The following AFP variants were observed in gnomAD, a reference collection of about 807,000 sequenced individuals.
AFP encodes alpha-fetoprotein.
AFP carries 64 observed loss-of-function variants against 78.9 expected under a neutral mutation model. The ratio of observed to expected loss-of-function variants is 0.81; its 90% CI spans 0.66 to 1.00. The LOEUF (loss-of-function observed/expected upper bound fraction) is 1.00, where lower values mean the gene tolerates loss of function less well. Among genes scored for constraint, AFP ranks in the 50% least tolerant of loss-of-function variants. The probability of loss-of-function intolerance (pLI) is 0.00; values close to 1 mark genes in which losing one functional copy is unlikely to be tolerated. For synonymous variants in AFP, 254 were observed against 243.8 expected, an observed-to-expected ratio of 1.04 and a Z score of -0.39; for missense variants, 689 against 703.8, an observed-to-expected ratio of 0.98 and a Z score of 0.24.
intron 9 of AFP, among the ~76,000 whole-genome samples, chr4:73,449,686 G>A (rs567376062): frequency 6.6e-6 from 1 of 152,188 alleles, no homozygotes; most frequent in Admixed American, 6.5e-5. Context: ...CTAAGATCAA[G>A]TGTAGAAATA....
intron 4 of AFP, 45 bp from the exon 5 acceptor site, chr4:73,442,251 A>G: frequency 6.3e-7 from 1 of 1,579,878 alleles, no homozygotes; most frequent in East Asian, 2.2e-5. Context: ...TAGTAGTCCT[A>G]TTTTTAGGTG....
Position 73,450,121 on chromosome 4 carries a change from A to G in AFP, c.1277A>G (p.Tyr426Cys), listed in dbSNP as rs1041627000. The change falls in exon 10 of 15, where the codon TAC becomes TGC. Residue 426 changes from tyrosine (Y) to cysteine (C), a missense_variant. Tyr to Cys is a radical substitution (Grantham distance 194, BLOSUM62 -2). Transcript: ENST00000395792. ...CTCTTCCAGAAACTAGGAGAATATTACTTACAAAATGCGTATGTTTTTGTA... is the reference window on the plus strand; with the variant it reads ...CTCTTCCAGAAACTAGGAGAATATTGCTTACAAAATGCGTATGTTTTTGTA... ...CGLFQKLGEY[Y>C]LQNAFLVAYT... 1.9e-6 allele frequency: 3 copies of G among 1,611,552 alleles called. No homozygotes were observed. The highest frequency in any genetic ancestry group is 1.7e-5 in the Admixed American group (1 of 59,960).
chr4:73,446,113 A>G (rs4694166), intron 7 of AFP, among the ~76,000 whole-genome samples: 149,352 of 152,284 alleles, frequency 0.98, 73,310 homozygotes, highest in East Asian at 1. Context: ...GCAAGAAGCC[A>G]AGGCTGCAGA....
intron 4 of AFP, among the ~76,000 whole-genome samples, chr4:73,441,880 G>T (rs1401538255): frequency 6.6e-6 from 1 of 152,134 alleles, no homozygotes; most frequent in Non-Finnish European, 1.5e-5. Context: ...CTGCTATGGC[G>T]ACTATCCAGG....
At chr4:73,450,189 C>A in intron 10 of AFP, 56 bp downstream of exon 10, 1 of 1,326,610 alleles carries the variant, frequency 7.5e-7, no homozygotes, top group Non-Finnish European at 1.1e-6. Flanking sequence ...GAGAATGTAG[C>A]CTTCCCCATT....
At chr4:73,455,445 C>G in intron 14 of AFP, 155 bp downstream of exon 14, 1 of 686,664 alleles carries the variant, frequency 1.5e-6, no homozygotes, top group Non-Finnish European at 2.5e-6. Context: ...CAAAATTACG[C>G]ACACAATGTT....
chr4:73,436,281 A>AT lies in AFP; in HGVS notation c.26dup (p.Leu9PhefsTer9), dbSNP rs1479715998. 8 of 1,601,764 alleles carry AT rather than the reference A, an allele frequency of 5.0e-6. No individual in the cohort carries two copies. The highest frequency in any genetic ancestry group is 6.8e-6 in the Non-Finnish European group (8 of 1,170,408). On this transcript the variant is annotated frameshift_variant, in exon 1 of 15. Transcript: ENST00000395792. LOFTEE classifies it high-confidence loss of function. ...AGCAACCATGAAGTGGGTGGAATCA[A>AT]TTTTTTTAATTTTCCTACTAAATTT...
Position 73,440,628 on chromosome 4 carries a change from C to T in AFP, c.297C>T (p.Cys99=), listed in dbSNP as rs746641875. Residue 99 remains cysteine, a synonymous_variant, in exon 4 of 15, where the codon TGC becomes TGT. Coordinates refer to ENST00000395792, the MANE Select transcript of AFP (RefSeq NM_001134.3). ...TACCTGCCTTTCTGGAAGAACTTTGCCATGAGAAAGAAATTTTGGAGAAGT... is the reference window on the plus strand; with the variant it reads ...TACCTGCCTTTCTGGAAGAACTTTGTCATGAGAAAGAAATTTTGGAGAAGT... ...NQLPAFLEEL[C]HEKEILEKYG... The T allele has an allele frequency of 2.9e-5, 47 of 1,613,918 alleles. No individual in the cohort carries two copies. The highest frequency in any genetic ancestry group is 4.0e-5 in the Non-Finnish European group (47 of 1,179,964).
intron 3 of AFP, 79 bp downstream of exon 3, chr4:73,438,385 G>A: frequency 6.8e-7 from 1 of 1,478,148 alleles, no homozygotes; most frequent in Non-Finnish European, 9.2e-7. Context: ...AAAAATAGCA[G>A]TGAAAAATGC....
chr4:73,443,362 A>G lies in AFP; in HGVS notation c.631A>G (p.Lys211Glu). The G allele has an allele frequency of 1.2e-6, 2 of 1,613,532 alleles. No individual in the cohort carries two copies. Among genetic ancestry groups the G allele is most frequent in the African/African-American group, 2.7e-5 (2 of 75,036 alleles). Reference protein sequence around the residue: ...CFQTKAATVTKELRESSLLNQ... With the variant: ...CFQTKAATVTEELRESSLLNQ... ...CTACATCTAGGCAGCAACAGTTACA[A>G]AAGAATTAAGAGAAAGCAGCTTGTT... is the stretch of plus-strand genomic sequence containing the variant. The change falls in exon 6 of 15, where the codon AAA (lysine) becomes GAA (glutamate). Residue 211 changes from lysine to glutamate, a missense_variant. Transcript: ENST00000395792.
Position 73,455,260 on chromosome 4 carries a change from C to G in AFP, c.1810C>G (p.Arg604Gly). 2 of 1,612,504 alleles carry G rather than the reference C, an allele frequency of 1.2e-6. No homozygotes were observed. The highest frequency in any genetic ancestry group is 1.7e-6 in the Non-Finnish European group (2 of 1,178,920). Residue 604 changes from arginine to glycine, a missense_variant, in exon 14 of 15, where the codon CGT becomes GGT. Transcript: ENST00000395792. ...GGGACAAAAACTGATTTCAAAAACT[C>G]GTGCTGCTTTGGGAGTTTAAATTAC... ...EEGQKLISKT[R>G]AALGV is the part of the protein sequence containing the mutation.
intron 3 of AFP, among the ~76,000 whole-genome samples, chr4:73,439,080 A>G (rs1719591260): frequency 6.6e-6 from 1 of 152,174 alleles, no homozygotes; most frequent in Non-Finnish European, 1.5e-5. Context: ...TTTAGCAAAC[A>G]ACAACAAAAC....
chr4:73,450,854 A>C, intron 11 of AFP, 101 bp downstream of exon 11: 49 of 1,586,246 alleles, frequency 3.1e-5, no homozygotes, highest in Non-Finnish European at 4.1e-5. Context: ...ACCAATGTAG[A>C]GATGGCCTTA....
chr4:73,450,252 G>A, intron 10 of AFP, 119 bp downstream of exon 10: 1 of 884,264 alleles, frequency 1.1e-6, no homozygotes, highest in South Asian at 1.6e-5. Context: ...CTGTGGTATT[G>A]ACTTTAAGTT....
At chr4:73,437,653 C>T (rs1175751332) in intron 2 of AFP, among the ~76,000 whole-genome samples, 1 of 152,010 alleles carries the variant, frequency 6.6e-6, no homozygotes, top group Non-Finnish European at 1.5e-5. Flanking sequence ...TTCCATTCCA[C>T]ATTTTAAAAA....
intron 12 of AFP, chr4:73,453,420 G>C (rs141316008): frequency 7.4e-6 from 2 of 271,864 alleles, no homozygotes; most frequent in Non-Finnish European, 1.4e-5. Context: ...GCAGGATTCG[G>C]AGATCTGGGT....
chr4:73,440,956 A>C, intron 4 of AFP, 143 bp downstream of exon 4: 1 of 776,186 alleles, frequency 1.3e-6, no homozygotes, highest in South Asian at 1.9e-5. Context: ...GGTCCCAGAC[A>C]AGGTAATTAG....
At chr4:73,449,286 T>C (rs1719917215) in intron 8 of AFP, 49 bp from the exon 9 acceptor site, 2 of 1,560,422 alleles carry the variant, frequency 1.3e-6, no homozygotes, top group Admixed American at 3.4e-5. Context: ...ATGGCTCCTT[T>C]TGTCTCTTAG....
rs374322791 is a variant in AFP, at chr4:73,450,084, C to T, written c.1240C>T (p.Arg414Ter). Reference protein sequence around the residue: ...YIQESQALAKRSCGLFQKLGE... With the variant: ...YIQESQALAK ...CCAGGAGAGCCAAGCATTGGCAAAG[C>T]GAAGCTGCGGCCTCTTCCAGAAACT... Residue 414 changes from arginine to a stop codon, truncating the protein, a stop_gained, in exon 10 of 15, where the codon CGA (arginine) becomes TGA (stop). Transcript: ENST00000395792. LOFTEE classifies it high-confidence loss of function. 8.1e-6 allele frequency: 13 copies of T among 1,613,714 alleles called. No homozygotes were observed. Among genetic ancestry groups the T allele is most frequent in the Admixed American group, 1.7e-5 (1 of 60,008 alleles).
Sources: gnomAD v4.1 joint callset for allele counts (sites outside exome capture counted in the v4.1 genomes callset) on GRCh38, gnomAD v4.1.1 for gene constraint, MANE v1.5 for transcripts, NCBI Gene and HGNC (gene_info 2026-07-23, HGNC 2026-07-21) for gene names.